Variants in GPATCH8 observed in about 807,000 individuals in gnomAD.
GPATCH8 encodes G-patch domain containing 8.
A neutral mutation model predicts 118.3 loss-of-function variants in GPATCH8; 18 were observed. That is an observed-to-expected ratio of 0.15 (90% CI 0.11 to 0.23). GPATCH8 has a LOEUF of 0.23. Ranked by LOEUF, GPATCH8 falls within the 10% of genes least tolerant of loss-of-function variation. GPATCH8 has a pLI of 1.00. For synonymous variants in GPATCH8, 659 were observed against 684.7 expected (o/e 0.96, Z 0.59); for missense variants, 1,631 against 1,873.8 (o/e 0.87, Z 2.39).
chr17:44,401,964 A>G (rs901332103), intron 7 of GPATCH8, among the ~76,000 whole-genome samples: 10 of 151,304 alleles, frequency 6.6e-5, no homozygotes, highest in African/African-American at 2.4e-4. Flanking sequence ...AGATCACGCC[A>G]CTGCACTCCA....
At position 44,438,788 on chromosome 17, in the gene GPATCH8, G is replaced by C. The variant is rs182323652; in HGVS notation, c.194-2243C>G. 4 of 152,674 alleles carry C rather than the reference G, an allele frequency of 2.6e-5. No individual in the cohort carries two copies. The East Asian group carries it at 7.7e-4, about 30-fold the overall frequency. The allele number at this position is 152,674 out of a possible 1,614,324, so 9.5% of individuals were successfully genotyped here. On this transcript the variant is annotated intron_variant, in intron 3 of 7. Coordinates refer to ENST00000591680, the MANE Select transcript of GPATCH8 (RefSeq NM_001002909.4). ...AAACAGGCCTTCTAGCAGGCAGACA[G>C]GATGGGGTAAAGTTAACAGTTGGGC... is the stretch of plus-strand genomic sequence containing the variant.
Position 44,406,063 on chromosome 17 carries a change from GAA to G in GPATCH8, c.493-14_493-13del. 6.3e-7 allele frequency: 1 copy of G among 1,592,380 alleles called. No individual in the cohort carries two copies. Among genetic ancestry groups the G allele is most frequent in the South Asian group, 1.1e-5 (1 of 90,624 alleles). On this transcript the variant is annotated splice_polypyrimidine_tract_variant and intron_variant, in intron 6 of 7. Coordinates refer to ENST00000591680, the MANE Select transcript of GPATCH8 (RefSeq NM_001002909.4). ...AGATCTTTTAATCTCTGGGTTAAAA[GAA>G]AGAAAGATACAGAGGGTGGATGATT...
intron 6 of GPATCH8, among the ~76,000 whole-genome samples, chr17:44,421,064 C>T (rs957222307): frequency 2.0e-5 from 3 of 151,988 alleles, no homozygotes; most frequent in African/African-American, 7.3e-5. Context: ...GTTGGACAGG[C>T]TGGTCTTGAA....
chr17:44,433,006 T>C (rs1453044234), intron 5 of GPATCH8, among the ~76,000 whole-genome samples: 1 of 152,084 alleles, frequency 6.6e-6, no homozygotes, highest in Non-Finnish European at 1.5e-5. Flanking sequence ...AACACCTAGC[T>C]ATTTTTTTTC....
At chr17:44,457,578 T>C (rs774878605) in intron 3 of GPATCH8, among the ~76,000 whole-genome samples, 2 of 152,234 alleles carry the variant, frequency 1.3e-5, no homozygotes, top group Non-Finnish European at 2.9e-5. Flanking sequence ...TTAACAATCA[T>C]ATTAATTATT....
At chr17:44,480,121 A>G (rs1968108116) in intron 1 of GPATCH8, among the ~76,000 whole-genome samples, 1 of 151,952 alleles carries the variant, frequency 6.6e-6, no homozygotes. Flanking sequence ...AAAAGAGGGG[A>G]AAAAAACAAC....
chr17:44,399,702 G>A lies in GPATCH8; in HGVS notation c.2375C>T (p.Pro792Leu). The change falls in exon 8 of 8, where the codon CCT becomes CTT. Residue 792 changes from proline (P) to leucine (L), a missense_variant. Coordinates refer to ENST00000591680, the MANE Select transcript of GPATCH8 (RefSeq NM_001002909.4). ...GCCTGCTCTTCGCTGGCAGGATGAAGGTGGAAGTTCACCTTTGTGTTTCCT... is the reference window on the plus strand; with the variant it reads ...GCCTGCTCTTCGCTGGCAGGATGAAAGTGGAAGTTCACCTTTGTGTTTCCT... ...GGRKHKGELPPSSCQRRAGTK... is the reference protein window; with the variant it reads ...GGRKHKGELPLSSCQRRAGTK... 1 of 1,614,120 alleles carries A rather than the reference G, an allele frequency of 6.2e-7. No homozygotes were observed. Among genetic ancestry groups the A allele is most frequent in the Non-Finnish European group, 8.5e-7 (1 of 1,179,996 alleles).
In GPATCH8 at chr17:44,397,906, T is replaced by C. The variant is rs954039435; in HGVS notation, c.4171A>G (p.Ile1391Val). Residue 1391 changes from isoleucine to valine, a missense_variant, in exon 8 of 8, where the codon ATC becomes GTC. Around this residue, in one of 8 missense-constraint regions of GPATCH8, gnomAD observed 111 missense variants for 112.4 expected, o/e 0.99. Coordinates refer to ENST00000591680, the MANE Select transcript of GPATCH8 (RefSeq NM_001002909.4). ...GGATGGGGGTGAGGGTGAATGCCGATGGCGGCAGCAGCTGCGGCAGCATGA... is the reference window on the plus strand; with the variant it reads ...GGATGGGGGTGAGGGTGAATGCCGACGGCGGCAGCAGCTGCGGCAGCATGA... The part of the protein sequence containing the change: ...QHHAAAAAAA[I>V]GIHPHPHPQP... 1.9e-6 allele frequency: 3 copies of C among 1,611,674 alleles called. No homozygotes were observed. The highest frequency in any genetic ancestry group is 1.3e-5 in the African/African-American group (1 of 74,806).
chr17:44,449,057 C>T (rs2051013225), intron 3 of GPATCH8, among the ~76,000 whole-genome samples: 1 of 152,078 alleles, frequency 6.6e-6, no homozygotes, highest in East Asian at 1.9e-4. Flanking sequence ...GGGTGGATGA[C>T]CTTAGGTTAG....
At chr17:44,499,380 G>A (rs2144505499) in intron 1 of GPATCH8, among the ~76,000 whole-genome samples, 1 of 152,334 alleles carries the variant, frequency 6.6e-6, no homozygotes, top group Middle Eastern at 3.4e-3. Flanking sequence ...TGAGGCAGGA[G>A]AATCACTTGA....
intron 7 of GPATCH8, among the ~76,000 whole-genome samples, chr17:44,402,137 T>G (rs1049856932): frequency 1.3e-5 from 2 of 151,188 alleles, no homozygotes; most frequent in African/African-American, 4.9e-5. Context: ...CTGACCAACA[T>G]GGTGAAACCC....
At chr17:44,462,853 C>T (rs1035764884) in intron 3 of GPATCH8, among the ~76,000 whole-genome samples, 5 of 151,880 alleles carry the variant, frequency 3.3e-5, no homozygotes, top group East Asian at 1.9e-4. Context: ...TGGTGGCAGG[C>T]GCCTGTAGTC....
At position 44,398,612 on chromosome 17, in the gene GPATCH8, T is replaced by C. The variant is rs1434624677; in HGVS notation, c.3465A>G (p.Arg1155=). 2.6e-6 allele frequency: 4 copies of C among 1,547,390 alleles called. No homozygotes were observed. In the Admixed American group the frequency reaches 8.1e-5, roughly 31 times the overall value. Residue 1155 remains arginine, a synonymous_variant, in exon 8 of 8, where the codon CGA becomes CGG. Coordinates refer to ENST00000591680, the MANE Select transcript of GPATCH8 (RefSeq NM_001002909.4). The part of the protein sequence containing the change: ...LPLIGKLPAT[R]KPNKKCEESG... The stretch of plus-strand genomic sequence containing the variant: ...ACTCTTCACACTTCTTATTGGGCTT[T>C]CGGGTAGCTGGGAGCTTCCCTATCA...
rs1426502491 is a variant in GPATCH8, at chr17:44,397,823, C to T, written c.4254G>A (p.Leu1418=). ...IPQPHLTPIS[L]SHLTHSIIPG... The stretch of plus-strand genomic sequence containing the variant: ...GGATGATTGAGTGAGTGAGGTGGGA[C>T]AAAGAAATGGGGGTCAGATGGGGCT... Residue 1418 remains leucine (L), a synonymous_variant, in exon 8 of 8, where the codon TTG becomes TTA. Coordinates refer to ENST00000591680, the MANE Select transcript of GPATCH8 (RefSeq NM_001002909.4). 2.5e-6 allele frequency: 4 copies of T among 1,588,946 alleles called. No homozygotes were observed. Among genetic ancestry groups the T allele is most frequent in the East Asian group, 2.2e-5 (1 of 44,582 alleles).
At chr17:44,419,558 C>A (rs1346946257) in intron 6 of GPATCH8, among the ~76,000 whole-genome samples, 2 of 152,176 alleles carry the variant, frequency 1.3e-5, no homozygotes, top group Non-Finnish European at 2.9e-5. Context: ...ATGATCACAG[C>A]TTATTGCAAC....
chr17:44,442,797 G>A (rs1300806775), intron 3 of GPATCH8, among the ~76,000 whole-genome samples: 2 of 152,326 alleles, frequency 1.3e-5, no homozygotes, highest in African/African-American at 2.4e-5. Context: ...TTAAAACTGG[G>A]CTGGGCTTGG....
intron 6 of GPATCH8, among the ~76,000 whole-genome samples, chr17:44,411,289 C>G (rs2049420875): frequency 6.6e-6 from 1 of 152,168 alleles, no homozygotes; most frequent in Admixed American, 6.5e-5. Flanking sequence ...CAACAGTGTT[C>G]CTGCTCAACT....
At chr17:44,492,568 C>T (rs1383114716) in intron 1 of GPATCH8, among the ~76,000 whole-genome samples, 1 of 151,498 alleles carries the variant, frequency 6.6e-6, no homozygotes, top group Non-Finnish European at 1.5e-5. Flanking sequence ...CAAGACTTCG[C>T]CTCAAAAAAA....
chr17:44,493,718 T>C (rs752608539), intron 1 of GPATCH8, among the ~76,000 whole-genome samples: 2 of 152,158 alleles, frequency 1.3e-5, no homozygotes, highest in African/African-American at 2.4e-5. Flanking sequence ...CAAAATTCCG[T>C]CTCTTTTATT....
Sources: allele counts gnomAD v4.1 joint callset (sites outside exome capture counted in the v4.1 genomes callset), GRCh38; gene constraint gnomAD v4.1.1; regional missense constraint gnomAD v4.1.1; transcripts MANE v1.5; gene names NCBI Gene and HGNC (gene_info 2026-07-23, HGNC 2026-07-21).